DEPDC1B: variants seen among roughly 807,000 people sequenced by gnomAD.
DEPDC1B encodes DEP domain-containing protein 1B.
Under a neutral mutation model 66.5 loss-of-function variants are expected in DEPDC1B, and 51 were observed. The ratio of observed to expected loss-of-function variants is 0.77; its 90% CI spans 0.61 to 0.97. DEPDC1B has a LOEUF of 0.97. Among genes scored for constraint, DEPDC1B ranks in the 50% least tolerant of loss-of-function variants. DEPDC1B has a pLI of 0.00. For synonymous variants in DEPDC1B, 226 were observed against 223.6 expected, an observed-to-expected ratio of 1.01 and a Z score of -0.10; for missense variants, 552 against 637.1, an observed-to-expected ratio of 0.87 and a Z score of 1.44.
chr5:60,613,163 T>C (rs546049420), intron 7 of DEPDC1B, among the ~76,000 whole-genome samples: 1 of 152,202 alleles, frequency 6.6e-6, no homozygotes, highest in Admixed American at 6.5e-5. Context: ...GGTGCTAAGA[T>C]AGGGCAACTA....
intron 2 of DEPDC1B, among the ~76,000 whole-genome samples, chr5:60,649,322 C>T (rs1335182847): frequency 6.6e-6 from 1 of 152,152 alleles, no homozygotes; most frequent in Non-Finnish European, 1.5e-5. Context: ...AAGACCAAAA[C>T]AGAATTTGTT....
chr5:60,662,644 A>T (rs1420760182), intron 2 of DEPDC1B, among the ~76,000 whole-genome samples: 1 of 152,198 alleles, frequency 6.6e-6, no homozygotes, highest in Non-Finnish European at 1.5e-5. Context: ...GGACACCTTA[A>T]AAAAGACTGT....
intron 7 of DEPDC1B, among the ~76,000 whole-genome samples, chr5:60,632,788 T>C (rs1752954805): frequency 6.6e-6 from 1 of 152,220 alleles, no homozygotes; most frequent in Non-Finnish European, 1.5e-5. Flanking sequence ...CCTCCACAGC[T>C]GTGGGGATAA....
intron 7 of DEPDC1B, among the ~76,000 whole-genome samples, chr5:60,635,673 C>T (rs1462069716): frequency 2.6e-5 from 4 of 152,142 alleles, no homozygotes; most frequent in East Asian, 1.9e-4. Flanking sequence ...TTGGAGTTCA[C>T]GCTCCTTGAA....
intron 2 of DEPDC1B, among the ~76,000 whole-genome samples, chr5:60,678,839 T>C (rs1754228991): frequency 6.6e-6 from 1 of 152,232 alleles, no homozygotes; most frequent in South Asian, 2.1e-4. Flanking sequence ...TCCCCATCTG[T>C]AGCTTGTCCT....
rs185455443 is a variant in DEPDC1B at position 60,655,841 on chromosome 5, A to G, written c.315-8308T>C. On this transcript the variant is annotated intron_variant, in intron 2 of 10. Coordinates refer to ENST00000265036, the MANE Select transcript of DEPDC1B (RefSeq NM_018369.3). ...GTCACTACCATAGTTCAGTTCAAAT[A>G]ATTTAATTTCCATCTCGATTTTGTT... Among the ~76,000 whole-genome samples, 34 of 149,176 alleles carry G rather than the reference A, an allele frequency of 2.3e-4. 3 individuals carry two copies. Among genetic ancestry groups the G allele is most frequent in the African/African-American group, 8.6e-4 (34 of 39,620 alleles).
intron 9 of DEPDC1B, among the ~76,000 whole-genome samples, chr5:60,599,961 C>G (rs954038114): frequency 6.6e-6 from 1 of 152,028 alleles, no homozygotes; most frequent in Non-Finnish European, 1.5e-5. Flanking sequence ...TCTAGGGCCA[C>G]TGGGTTAGGG....
chr5:60,608,982 T>A (rs1012666445), intron 7 of DEPDC1B, among the ~76,000 whole-genome samples: 1 of 152,074 alleles, frequency 6.6e-6, no homozygotes, highest in Non-Finnish European at 1.5e-5. Flanking sequence ...TAGTGGTGCA[T>A]GCTTGTGGTC....
At chr5:60,677,501 A>G (rs946806798) in intron 2 of DEPDC1B, among the ~76,000 whole-genome samples, 8 of 152,110 alleles carry the variant, frequency 5.3e-5, no homozygotes, top group African/African-American at 1.9e-4. Flanking sequence ...AAAGGATCTT[A>G]AAGATCTAGT....
At chr5:60,696,941 A>G (rs923650271) in intron 1 of DEPDC1B, among the ~76,000 whole-genome samples, 22 of 152,234 alleles carry the variant, frequency 1.4e-4, no homozygotes, top group East Asian at 3.8e-4. Flanking sequence ...TCCTAGATCT[A>G]CTTGCACTTG....
intron 2 of DEPDC1B, among the ~76,000 whole-genome samples, chr5:60,668,530 C>A (rs1246544142): frequency 6.6e-6 from 1 of 151,828 alleles, no homozygotes; most frequent in Non-Finnish European, 1.5e-5. Flanking sequence ...CCTGCCTCGG[C>A]CTCCCAAAAT....
intron 2 of DEPDC1B, among the ~76,000 whole-genome samples, chr5:60,672,351 T>C (rs1376205445): frequency 6.6e-6 from 1 of 152,202 alleles, no homozygotes; most frequent in Non-Finnish European, 1.5e-5. Context: ...AGATTTAATT[T>C]ACTCACAGTT....
chr5:60,652,655 C>T (rs1753484015), intron 2 of DEPDC1B, among the ~76,000 whole-genome samples: 1 of 148,844 alleles, frequency 6.7e-6, no homozygotes. Context: ...TGTTTGGTTA[C>T]ATGAATAAGT....
At chr5:60,637,904 G>A (rs1231756393) in intron 7 of DEPDC1B, among the ~76,000 whole-genome samples, 1 of 152,148 alleles carries the variant, frequency 6.6e-6, no homozygotes, top group African/African-American at 2.4e-5. Flanking sequence ...TACAATGGCA[G>A]CATCCATAGT....
At chr5:60,624,937 G>T (rs1477248454) in intron 7 of DEPDC1B, among the ~76,000 whole-genome samples, 1 of 136,058 alleles carries the variant, frequency 7.3e-6, no homozygotes, top group Admixed American at 8.6e-5. Context: ...GATGTTCCCT[G>T]CCTTGTGTCC....
At chr5:60,693,373 A>G (rs927907227) in intron 1 of DEPDC1B, among the ~76,000 whole-genome samples, 4 of 152,142 alleles carry the variant, frequency 2.6e-5, no homozygotes, top group African/African-American at 9.6e-5. Flanking sequence ...AATAATGAAT[A>G]GTAGAAAGGA....
chr5:60,683,397 AC>A (rs1456550317), intron 2 of DEPDC1B, among the ~76,000 whole-genome samples: 54 of 152,168 alleles, frequency 3.5e-4, no homozygotes, highest in African/African-American at 1.2e-3. Flanking sequence ...GCACCACTGC[AC>A]TCCAGCCTGG....
intron 7 of DEPDC1B, among the ~76,000 whole-genome samples, chr5:60,616,959 C>T (rs1167313720): frequency 1.3e-5 from 2 of 152,180 alleles, no homozygotes; most frequent in African/African-American, 2.4e-5. Flanking sequence ...CCCTACAAGC[C>T]GGAAGAGAGT....
chr5:60,699,663 G>T (rs1754738800), intron 1 of DEPDC1B, among the ~76,000 whole-genome samples: 2 of 152,122 alleles, frequency 1.3e-5, no homozygotes, highest in African/African-American at 4.8e-5. Flanking sequence ...GCCCTGCCTG[G>T]ACTGCCGCGA....
Sources: gnomAD v4.1 joint callset for allele counts (sites outside exome capture counted in the v4.1 genomes callset) on GRCh38, gnomAD v4.1.1 for gene constraint, MANE v1.5 for transcripts, NCBI Gene and HGNC (gene_info 2026-07-23, HGNC 2026-07-21) for gene names.